The following NDUFA9 variants were observed in gnomAD, a reference collection of about 807,000 sequenced individuals.
NDUFA9 encodes NADH dehydrogenase [ubiquinone] 1 alpha subcomplex subunit 9, mitochondrial.
NDUFA9 carries 23 observed loss-of-function variants against 45.9 expected under a neutral mutation model. The ratio of observed to expected loss-of-function variants is 0.50; its 90% CI spans 0.36 to 0.71. NDUFA9 has a LOEUF of 0.71. Among genes scored for constraint, NDUFA9 ranks in the 30% least tolerant of loss-of-function variants. The pLI is 0.00. For missense variants in NDUFA9, 466 were observed against 488.2 expected, an observed-to-expected ratio of 0.95 and a Z score of 0.43; for synonymous variants, 176 against 170.5, an observed-to-expected ratio of 1.03 and a Z score of -0.25.
intron 6 of NDUFA9, among the ~76,000 whole-genome samples, chr12:4,665,806 T>A (rs775075791): frequency 6.6e-6 from 1 of 151,252 alleles, no homozygotes; most frequent in East Asian, 1.9e-4. Context: ...TCATTGTGTG[T>A]GGTTTTTTTG....
At chr12:4,679,668 G>A (rs1945941150) in intron 8 of NDUFA9, among the ~76,000 whole-genome samples, 1 of 152,206 alleles carries the variant, frequency 6.6e-6, no homozygotes, top group African/African-American at 2.4e-5. Context: ...TTGGATTGCA[G>A]TGAGATTTGA....
Position 4,672,438 on chromosome 12 carries a change from C to T in NDUFA9, c.800+2621C>T, listed in dbSNP as rs184416571. On this transcript the variant is annotated intron_variant, in intron 8 of 10. Coordinates refer to ENST00000266544, the MANE Select transcript of NDUFA9 (RefSeq NM_005002.5). Reference sequence around the variant, plus strand: ...AGCCAGGGAGCCAAGTGATCTGGCTCAGCGGGTCCCACCCCCACAGAGCCC... The same window carrying T: ...AGCCAGGGAGCCAAGTGATCTGGCTTAGCGGGTCCCACCCCCACAGAGCCC... Among the ~76,000 whole-genome samples, 390 of 152,320 alleles carry T rather than the reference C, an allele frequency of 2.6e-3. 1 individual carries two copies. The highest frequency in any genetic ancestry group is 9.1e-3 in the African/African-American group (379 of 41,582).
rs1480189853 is a variant in NDUFA9 at position 4,668,703 on chromosome 12, C to T, written c.723+179C>T. 8.3e-6 allele frequency: 5 copies of T among 604,452 alleles called. No individual in the cohort carries two copies. In the African/African-American group the frequency reaches 9.3e-5, roughly 11 times the overall value. The allele number at this position is 604,452 out of a possible 1,614,324, so 37.4% of individuals were successfully genotyped here. A position where few individuals can be genotyped will look rare whatever the true frequency, so the allele number is the denominator to read the frequency against. ...TGCCTTCTCTGTGTCTTCACTTGTT[C>T]ATTTAAGAAAAAGTTATTGAACTCA... On this transcript the variant is annotated intron_variant, in intron 7 of 10. Coordinates refer to ENST00000266544, the MANE Select transcript of NDUFA9 (RefSeq NM_005002.5).
At chr12:4,661,579 A>G (rs1648007352) in intron 5 of NDUFA9, among the ~76,000 whole-genome samples, 2 of 151,850 alleles carry the variant, frequency 1.3e-5, no homozygotes. Context: ...GTAAAGGACA[A>G]AGGGACAAGG....
chr12:4,674,273 T>C (rs1001960781), intron 8 of NDUFA9, among the ~76,000 whole-genome samples: 2 of 152,124 alleles, frequency 1.3e-5, no homozygotes, highest in African/African-American at 4.8e-5. Context: ...ACGGGCAAAA[T>C]AACCAGCTAG....
intron 8 of NDUFA9, among the ~76,000 whole-genome samples, chr12:4,677,720 C>T (rs1945928505): frequency 1.3e-5 from 2 of 152,148 alleles, no homozygotes; most frequent in Admixed American, 1.3e-4. Flanking sequence ...TTGTGGAAGA[C>T]AGTGTGGCAA....
At chr12:4,679,226 A>G (rs1945938709) in intron 8 of NDUFA9, among the ~76,000 whole-genome samples, 1 of 152,194 alleles carries the variant, frequency 6.6e-6, no homozygotes, top group Non-Finnish European at 1.5e-5. Flanking sequence ...TAAGTAGATT[A>G]GTGATTGCCT....
At position 4,688,572 on chromosome 12, in the gene NDUFA9, T is replaced by C. The variant is rs763493987; in HGVS notation, c.*1464T>C. 23 of 151,850 alleles carry C rather than the reference T, an allele frequency of 1.5e-4. No individual in the cohort carries two copies. The highest frequency in any genetic ancestry group is 2.8e-4 in the Non-Finnish European group (19 of 68,028). 9.4% of individuals were successfully genotyped at this position (151,850 alleles called of 1,614,324 possible). ...GCATTTTAGCAAGGTCTCCAGGAGA[T>C]TTGTATGCACATTACAGTATGAGAA... On this transcript the variant is annotated 3_prime_UTR_variant, in exon 11 of 11. Coordinates refer to ENST00000266544, the MANE Select transcript of NDUFA9 (RefSeq NM_005002.5).
intron 5 of NDUFA9, among the ~76,000 whole-genome samples, chr12:4,661,268 C>T (rs1394987354): frequency 2.6e-5 from 4 of 151,924 alleles, no homozygotes; most frequent in African/African-American, 9.7e-5. Context: ...TACATTTTCT[C>T]TTTTATTAGA....
chr12:4,661,024 C>G (rs1945820377), intron 5 of NDUFA9, among the ~76,000 whole-genome samples: 1 of 151,534 alleles, frequency 6.6e-6, no homozygotes, highest in Admixed American at 6.6e-5. Context: ...GGTAGAGGAT[C>G]TACATTGTTT....
Position 4,654,404 on chromosome 12 carries a change from T to C in NDUFA9, c.162T>C (p.Ile54=), listed in dbSNP as rs1945777317. Residue 54 remains isoleucine, a synonymous_variant, in exon 2 of 11, where the codon ATT becomes ATC. Transcript: ENST00000266544. ...GKGGRSSVSG[I]VATVFGATGF... is the part of the protein sequence containing the mutation. ...GTGGACGTTCCTCAGTCAGTGGGAT[T>C]GTGGCCACTGTGTTTGGAGCAACAG... 6.2e-7 allele frequency: 1 copy of C among 1,614,042 alleles called. No homozygotes were observed.
At chr12:4,653,876 A>C (rs1208124064) in intron 1 of NDUFA9, among the ~76,000 whole-genome samples, 1 of 151,188 alleles carries the variant, frequency 6.6e-6, no homozygotes, top group Non-Finnish European at 1.5e-5. Flanking sequence ...TGTGTTCCTC[A>C]TGGGATTCTG....
chr12:4,662,510 A>G (rs1267038483), intron 5 of NDUFA9, 23 bp from the exon 6 acceptor site: 40 of 1,577,916 alleles, frequency 2.5e-5, no homozygotes, highest in Non-Finnish European at 3.3e-5. Flanking sequence ...AACTCAAAAC[A>G]GGTTTGTTTG....
At position 4,654,488 on chromosome 12, in the gene NDUFA9, T is replaced by A. The variant is rs777180772; in HGVS notation, c.220+26T>A. 3 of 1,610,804 alleles carry A rather than the reference T, an allele frequency of 1.9e-6. No homozygotes were observed. In the Admixed American group the frequency reaches 5.0e-5, roughly 27 times the overall value. The stretch of plus-strand genomic sequence containing the variant: ...GTAAGTAAAGTTCCTTAAGTTCATA[T>A]GCTCCATTGCCATTGATCAGGATTG... On this transcript the variant is annotated intron_variant, in intron 2 of 10. Coordinates refer to ENST00000266544, the MANE Select transcript of NDUFA9 (RefSeq NM_005002.5).
At chr12:4,662,454 A>G (rs1945828336) in intron 5 of NDUFA9, 79 bp from the exon 6 acceptor site, 1 of 1,039,004 alleles carries the variant, frequency 9.6e-7, no homozygotes, top group Admixed American at 1.8e-5. Context: ...AATACAAGTC[A>G]TGTCTTAATA....
rs981716817 is a variant in NDUFA9, at chr12:4,692,561, G to A, written c.*5453G>A. ...ATACAAGAATGGCCTAATCGTGTTA[G>A]GAAGAAGCCTGTCTGAAGTGCAGTC... On this transcript the variant is annotated 3_prime_UTR_variant, in exon 11 of 11. Coordinates refer to ENST00000266544, the MANE Select transcript of NDUFA9 (RefSeq NM_005002.5). The A allele has an allele frequency of 6.6e-6, 1 of 152,166 alleles. No individual in the cohort carries two copies. The highest frequency in any genetic ancestry group is 2.4e-5 in the African/African-American group (1 of 41,436). 9.4% of individuals were successfully genotyped at this position (152,166 alleles called of 1,614,324 possible). A position where few individuals can be genotyped will look rare whatever the true frequency, so the allele number is the denominator to read the frequency against.
intron 6 of NDUFA9, among the ~76,000 whole-genome samples, chr12:4,666,180 T>G (rs892523920): frequency 6.6e-6 from 1 of 152,226 alleles, no homozygotes; most frequent in South Asian, 2.1e-4. Flanking sequence ...TTGGCTACTT[T>G]ATTATTTGGA....
intron 8 of NDUFA9, among the ~76,000 whole-genome samples, chr12:4,677,957 C>T (rs1293169082): frequency 6.6e-6 from 1 of 152,124 alleles, no homozygotes; most frequent in Non-Finnish European, 1.5e-5. Context: ...ACTATGCAGC[C>T]AGTATACAGA....
intron 8 of NDUFA9, among the ~76,000 whole-genome samples, chr12:4,672,695 G>A (rs1041539984): frequency 2.2e-4 from 33 of 152,166 alleles, no homozygotes; most frequent in Admixed American, 2.0e-3. Flanking sequence ...TCCTCTCTGG[G>A]CCAGGCATCT....
Sources: gnomAD v4.1 joint callset for allele counts (sites outside exome capture counted in the v4.1 genomes callset) on GRCh38, gnomAD v4.1.1 for gene constraint, MANE v1.5 for transcripts, NCBI Gene and HGNC (gene_info 2026-07-23, HGNC 2026-07-21) for gene names.